Variants in DBNDD1 observed in about 807,000 individuals in gnomAD.
DBNDD1 encodes dysbindin domain-containing protein 1.
DBNDD1 carries 14 observed loss-of-function variants against 17.0 expected under a neutral mutation model. The ratio of observed to expected loss-of-function variants is 0.82; its 90% confidence interval spans 0.54 to 1.29. DBNDD1 has a LOEUF of 1.29. Among genes scored for constraint, DBNDD1 ranks in the 50% most tolerant of loss-of-function variants. The pLI is 0.00. For synonymous variants in DBNDD1, 105 were observed against 102.0 expected (o/e 1.03, Z -0.18); for missense variants, 221 against 216.2 (o/e 1.02, Z -0.14).
intron 1 of DBNDD1, chr16:90,011,570 T>C (rs954687573): frequency 2.3e-6 from 1 of 438,076 alleles, no homozygotes; most frequent in Non-Finnish European, 4.6e-6. Context: ...GGTCATTCTG[T>C]GTGGCCCACC....
Position 90,019,279 on chromosome 16 carries a change from GCGGGGGTCT to G in DBNDD1, c.31+23_31+31del. On this transcript the variant is annotated intron_variant, in intron 1 of 3. Transcript: ENST00000002501. The surrounding 1 kb of genome is among the most constrained non-coding windows in gnomAD (Gnocchi z 6.1). ...GCGGCTCGCTGCGGGGAAGCGCTGCGCGGGGGTCTCGGGGGCTGGGGCTGAACTCACCTC... is the reference window on the plus strand; with the variant it reads ...GCGGCTCGCTGCGGGGAAGCGCTGCGCGGGGGCTGGGGCTGAACTCACCTC... 1 of 1,182,584 alleles carries G rather than the reference GCGGGGGTCT, an allele frequency of 8.5e-7. No individual in the cohort carries two copies. Among genetic ancestry groups the G allele is most frequent in the Non-Finnish European group, 1.1e-6 (1 of 945,658 alleles). 73.3% of individuals were successfully genotyped at this position (1,182,584 alleles called of 1,614,324 possible). A position where few individuals can be genotyped will look rare whatever the true frequency, so the allele number is the denominator to read the frequency against.
At chr16:90,011,666 C>A (rs558935037) in intron 1 of DBNDD1, 1 of 455,006 alleles carries the variant, frequency 2.2e-6, no homozygotes, top group Admixed American at 2.4e-5. Flanking sequence ...GGGGCTCTCG[C>A]GGAATCTGGT....
In DBNDD1 at chr16:90,009,390, G is replaced by A. The variant is rs780447976; in HGVS notation, c.72C>T (p.Gly24=). 1.2e-5 allele frequency: 20 copies of A among 1,612,770 alleles called. No individual in the cohort carries two copies. The Admixed American group carries it at 1.3e-4, about 11-fold the overall frequency. ...KEAEVPQAAL[G]VPAQGTGDNG... ...TGTCCCCTGTCCCCTGGGCTGGGAC[G>A]CCCAGCGCAGCCTGCGGCACCTCAG... The change falls in exon 2 of 4, where the codon GGC becomes GGT. Residue 24 remains glycine (G), a synonymous_variant. Coordinates refer to ENST00000002501, the MANE Select transcript of DBNDD1 (RefSeq NM_001042610.3).
intron 1 of DBNDD1, chr16:90,011,740 T>C (rs1236307826): frequency 2.2e-6 from 1 of 446,770 alleles, no homozygotes; most frequent in East Asian, 7.0e-5. Flanking sequence ...AAGTTACTGG[T>C]GTCCTGGCCC....
rs1161838967 is a variant in DBNDD1, at chr16:90,006,132, G to C, written c.*203C>G. 1 of 737,198 alleles carries C rather than the reference G, an allele frequency of 1.4e-6. No homozygotes were observed. Among genetic ancestry groups the C allele is most frequent in the African/African-American group, 1.8e-5 (1 of 56,802 alleles). 45.7% of individuals were successfully genotyped at this position (737,198 alleles called of 1,614,324 possible). A position where few individuals can be genotyped will look rare whatever the true frequency, so the allele number is the denominator to read the frequency against. ...CGTGTGTCCCCCAGGAAAGCCGGCT[G>C]GTCTCCAAGTGAGGCGAAGACCCGT... On this transcript the variant is annotated 3_prime_UTR_variant, in exon 4 of 4. Transcript: ENST00000002501.
Position 90,006,396 on chromosome 16 carries a change from G to C in DBNDD1, c.416C>G (p.Pro139Arg), listed in dbSNP as rs1358813670. Residue 139 changes from proline (P) to arginine (R), a missense_variant, in exon 4 of 4, where the codon CCC (proline) becomes CGC (arginine). Transcript: ENST00000002501. ...QSHEKQPLGD[P>R]ERQATVLDTF... ...GTCCAGGACTGTGGCCTGCCGCTCGGGGTCGCCTAGGGGCTGCTTCTCGTG... is the reference window on the plus strand; with the variant it reads ...GTCCAGGACTGTGGCCTGCCGCTCGCGGTCGCCTAGGGGCTGCTTCTCGTG... The C allele has an allele frequency of 3.7e-6, 6 of 1,606,708 alleles. No individual in the cohort carries two copies. The East Asian group carries it at 8.9e-5, about 24-fold the overall frequency.
Position 90,005,971 on chromosome 16 carries a change from G to A in DBNDD1, c.*364C>T. On this transcript the variant is annotated 3_prime_UTR_variant, in exon 4 of 4. Transcript: ENST00000002501. ...TCCCCTTCACCCCAAGGCCGCCGTG[G>A]GCCACTCCATTCCTCAGCACGTTCC... 1 of 203,880 alleles carries A rather than the reference G, an allele frequency of 4.9e-6. No individual in the cohort carries two copies. The highest frequency in any genetic ancestry group is 5.0e-5 in the Admixed American group (1 of 19,894). 12.6% of individuals were successfully genotyped at this position (203,880 alleles called of 1,614,324 possible).
chr16:90,012,762 C>G (rs949958913), intron 1 of DBNDD1, among the ~76,000 whole-genome samples: 1 of 150,356 alleles, frequency 6.7e-6, no homozygotes, highest in Admixed American at 6.6e-5. Context: ...CCTGGCCTCT[C>G]TCTCTCAAGA....
At chr16:90,018,313 T>C (rs1438540265) in intron 1 of DBNDD1, among the ~76,000 whole-genome samples, 1 of 152,246 alleles carries the variant, frequency 6.6e-6, no homozygotes, top group Admixed American at 6.5e-5. Context: ...CCTGGGGCAT[T>C]TGTCCCTATA....
intron 2 of DBNDD1, 128 bp downstream of exon 2, chr16:90,009,156 C>T (rs2035500852): frequency 7.1e-7 from 1 of 1,402,658 alleles, no homozygotes. Context: ...GCTGCAAGAG[C>T]CTAGCACACA....
intron 1 of DBNDD1, among the ~76,000 whole-genome samples, chr16:90,016,116 C>T (rs1470533159): frequency 6.6e-6 from 1 of 152,212 alleles, no homozygotes; most frequent in Admixed American, 6.5e-5. Flanking sequence ...GTCGGCCACA[C>T]GCCAGACCCC....
rs776645820 is a variant in DBNDD1 at position 90,009,426 on chromosome 16, G to A, written c.36C>T (p.Ile12=). The A allele has an allele frequency of 1.3e-5, 21 of 1,610,732 alleles. No individual in the cohort carries two copies. The highest frequency in any genetic ancestry group is 3.3e-5 in the South Asian group (3 of 91,092). ...EPPEGAGTGE[I]VKEAEVPQAA... ...CCTGCGGCACCTCAGCCTCCTTAAC[G>A]ATCTCTGCATCCAAAGACACAGTGT... is the stretch of plus-strand genomic sequence containing the variant. Residue 12 remains isoleucine, a synonymous_variant, in exon 2 of 4, where the codon ATC becomes ATT. Coordinates refer to ENST00000002501, the MANE Select transcript of DBNDD1 (RefSeq NM_001042610.3).
In DBNDD1 at chr16:90,005,615, T is replaced by G. The variant is rs2013692940; in HGVS notation, c.*720A>C. 6.6e-6 allele frequency: 1 copy of G among 152,268 alleles called. No individual in the cohort carries two copies. Among genetic ancestry groups the G allele is most frequent in the Non-Finnish European group, 1.5e-5 (1 of 68,130 alleles). 9.4% of individuals were successfully genotyped at this position (152,268 alleles called of 1,614,324 possible). On this transcript the variant is annotated 3_prime_UTR_variant, in exon 4 of 4. Transcript: ENST00000002501. ...TTCCGGGAGGTGTCATCAAGTCTCT[T>G]AGGCAGTCTGGTGATATTTGGTGTT...
At chr16:90,014,461 C>T (rs998988612) in intron 1 of DBNDD1, among the ~76,000 whole-genome samples, 1 of 152,222 alleles carries the variant, frequency 6.6e-6, no homozygotes, top group East Asian at 1.9e-4. Context: ...AGCAAGGGCA[C>T]AGTCCAGAGG....
rs1202026997 is a variant in DBNDD1, at chr16:90,005,520, T to C, written c.*815A>G. The C allele has an allele frequency of 1.3e-5, 2 of 152,248 alleles. No individual in the cohort carries two copies. The highest frequency in any genetic ancestry group is 2.9e-5 in the Non-Finnish European group (2 of 68,072). The allele number at this position is 152,248 out of a possible 1,614,324, so 9.4% of individuals were successfully genotyped here. On this transcript the variant is annotated 3_prime_UTR_variant, in exon 4 of 4. Transcript: ENST00000002501. ...GGCCTTGTAGCCGGGCAATGGGATG[T>C]GAGCAGAAACGAGAATGTGGCCTAG...
In DBNDD1 at chr16:90,019,255, C is replaced by T; in HGVS notation, c.31+56G>A. On this transcript the variant is annotated intron_variant, in intron 1 of 3. Transcript: ENST00000002501. This position sits in a 1 kb window ranked among gnomAD's most constrained non-coding sequence, Gnocchi z 6.1. Reference sequence around the variant, plus strand: ...GGGTGAGCCCTGGGGGGAGGGGCTGCGGCTCGCTGCGGGGAAGCGCTGCGC... The same window carrying T: ...GGGTGAGCCCTGGGGGGAGGGGCTGTGGCTCGCTGCGGGGAAGCGCTGCGC... 1 of 978,616 alleles carries T rather than the reference C, an allele frequency of 1.0e-6. No homozygotes were observed. The highest frequency in any genetic ancestry group is 1.3e-6 in the Non-Finnish European group (1 of 761,146). 60.6% of individuals were successfully genotyped at this position (978,616 alleles called of 1,614,324 possible).
chr16:90,008,747 G>A, intron 3 of DBNDD1, 37 bp downstream of exon 3: 3 of 1,571,374 alleles, frequency 1.9e-6, no homozygotes, highest in South Asian at 2.3e-5. Context: ...CAGCCCACCA[G>A]GCACACCTCC....
chr16:90,009,506 A>C, intron 1 of DBNDD1, 76 bp from the exon 2 acceptor site: 1 of 1,581,492 alleles, frequency 6.3e-7, no homozygotes, highest in Non-Finnish European at 8.6e-7. Context: ...GCTGGGTGTG[A>C]GGACTTGGCA....
At chr16:90,009,614 T>C (rs1365535682) in intron 1 of DBNDD1, 184 bp from the exon 2 acceptor site, 1 of 847,544 alleles carries the variant, frequency 1.2e-6, no homozygotes, top group Non-Finnish European at 1.8e-6. Context: ...TTGAGGGGCT[T>C]CAAGGAGGCT....
Sources: gnomAD v4.1 joint callset for allele counts (sites outside exome capture counted in the v4.1 genomes callset) on GRCh38, gnomAD v4.1.1 for gene constraint, Gnocchi (gnomAD v3.1) non-coding constraint, MANE v1.5 for transcripts, NCBI Gene and HGNC (gene_info 2026-07-23, HGNC 2026-07-21) for gene names.